OPCML: variants seen among roughly 807,000 people sequenced by gnomAD.
OPCML encodes the protein opioid-binding protein/cell adhesion molecule.
OPCML carries 13 observed loss-of-function variants against 37.8 expected under a neutral mutation model. That is an observed-to-expected ratio of 0.34 (90% CI 0.22 to 0.55). OPCML has a LOEUF of 0.55. Among genes scored for constraint, OPCML ranks in the 20% least tolerant of loss-of-function variants. OPCML has a pLI of 0.91. For missense variants in OPCML, 341 were observed against 435.6 expected, an observed-to-expected ratio of 0.78 and a Z score of 1.93; for synonymous variants, 176 against 168.8, an observed-to-expected ratio of 1.04 and a Z score of -0.33.
At chr11:132,765,719 A>G (rs558452747) in intron 2 of OPCML, among the ~76,000 whole-genome samples, 12 of 152,228 alleles carry the variant, frequency 7.9e-5, no homozygotes, top group Non-Finnish European at 1.8e-4. Context: ...AAAATATCCC[A>G]GAAATAGATT....
At position 133,212,528 on chromosome 11, in the gene OPCML, A is replaced by G. The variant is rs557088635; in HGVS notation, c.62-269518T>C. Among the ~76,000 whole-genome samples, 1 of 152,204 alleles carries G rather than the reference A, an allele frequency of 6.6e-6. No homozygotes were observed. The highest frequency in any genetic ancestry group is 6.5e-5 in the Admixed American group (1 of 15,284). On this transcript the variant is annotated intron_variant, in intron 1 of 7. Coordinates refer to ENST00000524381, the MANE Select transcript of OPCML (RefSeq NM_001012393.5). The surrounding 1 kb of genome is among the most constrained non-coding windows in gnomAD (Gnocchi z 4.9). ...CCAGAACGCCGACCCTCGGCACCCTATTGAAGTTGTAACCTACTCTGCTCA... is the reference window on the plus strand; with the variant it reads ...CCAGAACGCCGACCCTCGGCACCCTGTTGAAGTTGTAACCTACTCTGCTCA...
chr11:132,809,877 A>ATCT (rs956248304), intron 2 of OPCML, among the ~76,000 whole-genome samples: 3 of 151,816 alleles, frequency 2.0e-5, no homozygotes, highest in African/African-American at 7.3e-5. Context: ...TTGAGACGGT[A>ATCT]TCTTGCTCTG....
At chr11:132,883,760 C>A (rs940637628) in intron 2 of OPCML, among the ~76,000 whole-genome samples, 15 of 151,998 alleles carry the variant, frequency 9.9e-5, no homozygotes, top group Admixed American at 8.5e-4. Context: ...TTATAAAAAC[C>A]CTATAAAATA....
At chr11:133,363,048 C>A (rs534852333) in intron 1 of OPCML, among the ~76,000 whole-genome samples, 13 of 152,248 alleles carry the variant, frequency 8.5e-5, no homozygotes, top group Non-Finnish European at 1.6e-4. Flanking sequence ...GCCAGCCAGG[C>A]ATGACAAGAA....
At chr11:132,848,569 T>A (rs1941658710) in intron 2 of OPCML, among the ~76,000 whole-genome samples, 1 of 152,248 alleles carries the variant, frequency 6.6e-6, no homozygotes, top group Non-Finnish European at 1.5e-5. Context: ...GTCCTCCTAC[T>A]TACCCATAAT....
At chr11:133,466,594 C>A (rs746086021) in intron 1 of OPCML, among the ~76,000 whole-genome samples, 1 of 152,180 alleles carries the variant, frequency 6.6e-6, no homozygotes, top group South Asian at 2.1e-4. Flanking sequence ...TGCGAACATT[C>A]GCTACCAAGC....
chr11:133,245,007 C>G (rs889041472), intron 1 of OPCML, among the ~76,000 whole-genome samples: 1 of 152,214 alleles, frequency 6.6e-6, no homozygotes, highest in Non-Finnish European at 1.5e-5. Flanking sequence ...GCTGTGGAGG[C>G]AGTCCATGAG....
intron 1 of OPCML, among the ~76,000 whole-genome samples, chr11:133,460,071 T>C (rs1946824638): frequency 6.6e-6 from 1 of 151,958 alleles, no homozygotes; most frequent in Non-Finnish European, 1.5e-5. Context: ...GAAGGAAAAC[T>C]GGAAAACACA....
intron 2 of OPCML, among the ~76,000 whole-genome samples, chr11:132,686,950 T>C (rs1943185913): frequency 6.6e-6 from 1 of 152,128 alleles, no homozygotes; most frequent in South Asian, 2.1e-4. Flanking sequence ...TGCTGGAAGA[T>C]AGACACCCCT....
Position 132,420,053 on chromosome 11 carries a change from T to C in OPCML, c.*140A>G, listed in dbSNP as rs1310449895. ...CTGGAAATAAAAGCAAACAAACAAA[T>C]AAACAAAAACAAAAAGAAAACAAAT... On this transcript the variant is annotated 3_prime_UTR_variant, in exon 8 of 8. Transcript: ENST00000524381. 4.1e-6 allele frequency: 1 copy of C among 244,562 alleles called. No homozygotes were observed. The highest frequency in any genetic ancestry group is 5.4e-5 in the South Asian group (1 of 18,628). The allele number at this position is 244,562 out of a possible 1,614,324, so 15.1% of individuals were successfully genotyped here.
chr11:133,080,444 G>A (rs924936263), intron 1 of OPCML, among the ~76,000 whole-genome samples: 3 of 150,884 alleles, frequency 2.0e-5, no homozygotes, highest in East Asian at 3.9e-4. Context: ...GCGGCACCGT[G>A]AGAAAACATT....
intron 2 of OPCML, among the ~76,000 whole-genome samples, chr11:132,779,594 G>A (rs1171676324): frequency 1.3e-5 from 2 of 152,040 alleles, no homozygotes; most frequent in Non-Finnish European, 2.9e-5. Context: ...ATAGGTAAAA[G>A]AGAGGAAGAA....
chr11:132,937,013 T>G (rs899061348), intron 2 of OPCML, among the ~76,000 whole-genome samples: 7 of 152,142 alleles, frequency 4.6e-5, no homozygotes, highest in Non-Finnish European at 7.4e-5. Context: ...GCAATGCAAA[T>G]TTCTGTCAGC....
In OPCML at chr11:132,721,950, CTTTTTTTTTTTTT is replaced by C. The variant is rs34325848; in HGVS notation, c.147-64644_147-64632del. Among the ~76,000 whole-genome samples, 405 of 82,816 alleles carry C rather than the reference CTTTTTTTTTTTTT, an allele frequency of 4.9e-3. 3 individuals carry two copies. Among genetic ancestry groups the C allele is most frequent in the Non-Finnish European group, 6.5e-3 (300 of 46,164 alleles). The allele number at this position is 82,816 out of a possible 152,430, so 54.3% of individuals were successfully genotyped here. A position where few individuals can be genotyped will look rare whatever the true frequency, so the allele number is the denominator to read the frequency against. ...GGGAATGTATTTTTTCTTTCCTTCC[CTTTTTTTTTTTTT>C]TTTTTTTTTTGAGATGGAGTCTTGC... On this transcript the variant is annotated intron_variant, in intron 2 of 7. Transcript: ENST00000524381.
At chr11:133,054,297 C>T (rs967813436) in intron 1 of OPCML, among the ~76,000 whole-genome samples, 1 of 152,188 alleles carries the variant, frequency 6.6e-6, no homozygotes, top group Non-Finnish European at 1.5e-5. Context: ...CAAACCCAAA[C>T]TTCTTAAAAA....
chr11:133,062,678 C>T (rs560733721), intron 1 of OPCML, among the ~76,000 whole-genome samples: 3 of 152,294 alleles, frequency 2.0e-5, no homozygotes, highest in Non-Finnish European at 2.9e-5. Flanking sequence ...ACTGCCTGAG[C>T]GGCATCCTTG....
chr11:132,523,760 A>G (rs2096300552), intron 4 of OPCML, among the ~76,000 whole-genome samples: 1 of 152,252 alleles, frequency 6.6e-6, no homozygotes. Flanking sequence ...AATGGCATTC[A>G]CTAGACACAA....
intron 3 of OPCML, among the ~76,000 whole-genome samples, chr11:132,602,438 A>G (rs1452559132): frequency 6.6e-6 from 1 of 152,142 alleles, no homozygotes; most frequent in Non-Finnish European, 1.5e-5. Flanking sequence ...TCGTAGGTTA[A>G]TATAGACAGC....
At chr11:132,506,825 C>T (rs1353530320) in intron 4 of OPCML, among the ~76,000 whole-genome samples, 1 of 151,162 alleles carries the variant, frequency 6.6e-6, no homozygotes, top group Non-Finnish European at 1.5e-5. Context: ...CTAGACAGAA[C>T]AAAAAGAGGA....
Sources: gnomAD v4.1 joint callset for allele counts (sites outside exome capture counted in the v4.1 genomes callset) on GRCh38, gnomAD v4.1.1 for gene constraint, Gnocchi (gnomAD v3.1) non-coding constraint, MANE v1.5 for transcripts, NCBI Gene and HGNC (gene_info 2026-07-23, HGNC 2026-07-21) for gene names.